Variants in AREL1 observed in about 807,000 individuals in gnomAD.
The protein encoded by AREL1 is apoptosis-resistant E3 ubiquitin protein ligase 1.
In AREL1, 62 loss-of-function variants were observed where a neutral mutation model predicts 99.0. The observed-to-expected ratio is 0.63, with a 90% CI of 0.51 to 0.77. AREL1 has a LOEUF of 0.77. AREL1 is among the 30% of genes least tolerant of loss of function. The probability of loss-of-function intolerance (pLI) is 0.00; values close to 1 mark genes in which losing one functional copy is unlikely to be tolerated. For missense variants in AREL1, 879 were observed against 1,027.6 expected, an observed-to-expected ratio of 0.86 and a Z score of 1.98; for synonymous variants, 380 against 376.5, an observed-to-expected ratio of 1.01 and a Z score of -0.11.
chr14:74,684,190 C>T (rs1483367594), intron 4 of AREL1, among the ~76,000 whole-genome samples: 2 of 152,146 alleles, frequency 1.3e-5, no homozygotes, highest in Non-Finnish European at 2.9e-5. Flanking sequence ...TTTGCTAACC[C>T]CTATCTATAA....
chr14:74,712,060 AAAAAAAAGAAAAAAAAAG>A (rs2090314080), intron 1 of AREL1: 25 of 47,452 alleles, frequency 5.3e-4, no homozygotes, highest in African/African-American at 2.0e-3. Flanking sequence ...AAAAAAAAAA[AAAAAAAAGAAAAAAAAAG>A]AAAGAAAGAA....
In AREL1 at chr14:74,672,903, A is replaced by C; in HGVS notation, c.1350T>G (p.Leu450=). ...QDKVNFFQRE[L]RQVHMKRPHS... is the part of the protein sequence containing the mutation. ...GTGGTCTTTTCATATGTACCTGCCG[A>C]AGCTCTCGCTGGAAAAAGTTCACCT... is the stretch of plus-strand genomic sequence containing the variant. The change falls in exon 11 of 20, where the codon CTT becomes CTG. Residue 450 remains leucine (L), a synonymous_variant. Coordinates refer to ENST00000356357, the MANE Select transcript of AREL1 (RefSeq NM_001039479.2). 6.2e-7 allele frequency: 1 copy of C among 1,614,172 alleles called. No homozygotes were observed. The highest frequency in any genetic ancestry group is 8.5e-7 in the Non-Finnish European group (1 of 1,180,024).
intron 5 of AREL1, among the ~76,000 whole-genome samples, chr14:74,677,490 T>A (rs950501732): frequency 4.1e-5 from 6 of 145,470 alleles, no homozygotes; most frequent in African/African-American, 1.5e-4. Flanking sequence ...AGGGAGACCC[T>A]GTCTCTCTCC....
chr14:74,692,334 C>A lies in AREL1; in HGVS notation c.-333-6G>T. The A allele has an allele frequency of 7.3e-6, 3 of 411,672 alleles. No homozygotes were observed. Among genetic ancestry groups the A allele is most frequent in the Admixed American group, 3.4e-5 (1 of 29,204 alleles). The allele number at this position is 411,672 out of a possible 1,614,324, so 25.5% of individuals were successfully genotyped here. A position where few individuals can be genotyped will look rare whatever the true frequency, so the allele number is the denominator to read the frequency against. On this transcript the variant is annotated splice_polypyrimidine_tract_variant and splice_region_variant and intron_variant, in intron 1 of 19. Transcript: ENST00000356357. ...CCAAAGGACGCCCCAGGATCCTGTC[C>A]AAAAAAGAAAACAGGGTTAGTTGGA...
At chr14:74,707,434 G>A (rs866234674) in intron 1 of AREL1, among the ~76,000 whole-genome samples, 8 of 148,306 alleles carry the variant, frequency 5.4e-5, no homozygotes, top group Admixed American at 2.0e-4. Context: ...AGGCCAAGGT[G>A]GGCGGATTAC....
At chr14:74,684,204 T>C (rs1014150149) in intron 4 of AREL1, among the ~76,000 whole-genome samples, 6 of 152,246 alleles carry the variant, frequency 3.9e-5, no homozygotes, top group African/African-American at 1.4e-4. Context: ...TCTATAATAC[T>C]TACTCTTTTC....
intron 2 of AREL1, among the ~76,000 whole-genome samples, chr14:74,687,134 AC>A (rs2089765922): frequency 6.6e-6 from 1 of 152,206 alleles, no homozygotes; most frequent in Non-Finnish European, 1.5e-5. Context: ...ATTCGATCTG[AC>A]CCTAGATGTG....
At chr14:74,682,658 G>A (rs372158022) in intron 5 of AREL1, among the ~76,000 whole-genome samples, 31 of 152,330 alleles carry the variant, frequency 2.0e-4, no homozygotes, top group African/African-American at 7.5e-4. Context: ...GGCCTGGTGG[G>A]AGGTGATGGG....
At position 74,671,501 on chromosome 14, in the gene AREL1, G is replaced by A. The variant is rs2089344874; in HGVS notation, c.1423-18C>T. 6.4e-7 allele frequency: 1 copy of A among 1,553,052 alleles called. No homozygotes were observed. On this transcript the variant is annotated intron_variant, in intron 11 of 19. Transcript: ENST00000356357. Reference sequence around the variant, plus strand: ...TTCAGAGACTGAAAAGAAGTGAAAGGAAGGGAATTGTCAGAACACTGGCTG... The same window carrying A: ...TTCAGAGACTGAAAAGAAGTGAAAGAAAGGGAATTGTCAGAACACTGGCTG...
chr14:74,702,491 T>C (rs540024821), intron 1 of AREL1, among the ~76,000 whole-genome samples: 16 of 152,210 alleles, frequency 1.1e-4, no homozygotes, highest in Non-Finnish European at 1.5e-4. Context: ...ACCAAGTCCC[T>C]ACACTGCACA....
chr14:74,703,206 C>T (rs970573047), intron 1 of AREL1, among the ~76,000 whole-genome samples: 2 of 152,204 alleles, frequency 1.3e-5, no homozygotes, highest in Non-Finnish European at 2.9e-5. Flanking sequence ...AATGGACTCA[C>T]AGTTCCACAT....
At chr14:74,694,959 A>G (rs1480682578) in intron 1 of AREL1, among the ~76,000 whole-genome samples, 1 of 144,816 alleles carries the variant, frequency 6.9e-6, no homozygotes, top group Non-Finnish European at 1.5e-5. Context: ...ACTGCACTCC[A>G]GCCTGGGCGA....
intron 1 of AREL1, among the ~76,000 whole-genome samples, chr14:74,704,858 G>T (rs560761130): frequency 6.6e-5 from 10 of 151,942 alleles, no homozygotes; most frequent in South Asian, 6.2e-4. Flanking sequence ...TTTTCTCCTG[G>T]TTTTTTTCTA....
intron 1 of AREL1, among the ~76,000 whole-genome samples, chr14:74,692,897 C>T (rs188849890): frequency 1.1e-4 from 16 of 152,110 alleles, no homozygotes; most frequent in East Asian, 1.9e-4. Context: ...TTTGTAGAGA[C>T]GGGGTTTTGC....
intron 5 of AREL1, among the ~76,000 whole-genome samples, chr14:74,682,035 T>C (rs1194564069): frequency 2.6e-5 from 4 of 152,228 alleles, no homozygotes; most frequent in South Asian, 4.1e-4. Flanking sequence ...AAGTTTAATT[T>C]TTTTAAAAAG....
intron 2 of AREL1, chr14:74,691,081 G>C (rs1192835251): frequency 6.6e-6 from 1 of 152,294 alleles, no homozygotes; most frequent in Non-Finnish European, 1.5e-5. Flanking sequence ...CACTTTGGAA[G>C]CCAAGGCAGG....
At chr14:74,676,098 C>T (rs373790817) in intron 7 of AREL1, 43 bp downstream of exon 7, 25 of 1,586,856 alleles carry the variant, frequency 1.6e-5, no homozygotes, top group African/African-American at 8.1e-5. Flanking sequence ...GGCAAAGAAA[C>T]GGCTGAAGAA....
chr14:74,684,544 C>A lies in AREL1; in HGVS notation c.153G>T (p.Arg51=), dbSNP rs1387426993. ...RGDRTIYDYV[R]GNYLDPRSCK... is the part of the protein sequence containing the mutation. ...AAGACCGGGGATCCAGGTAATTTCC[C>A]CGCACGTAGTCATAAATAGTCCGGT... Residue 51 remains arginine, a synonymous_variant, in exon 4 of 20, where the codon CGG becomes CGT. Transcript: ENST00000356357. 3.7e-6 allele frequency: 6 copies of A among 1,614,132 alleles called. No homozygotes were observed. The highest frequency in any genetic ancestry group is 4.2e-6 in the Non-Finnish European group (5 of 1,180,030).
Position 74,692,181 on chromosome 14 carries a change from C to T in AREL1, c.-186G>A, listed in dbSNP as rs1288752700. The T allele has an allele frequency of 2.2e-6, 1 of 453,598 alleles. No homozygotes were observed. The highest frequency in any genetic ancestry group is 4.4e-6 in the Non-Finnish European group (1 of 226,300). 28.1% of individuals were successfully genotyped at this position (453,598 alleles called of 1,614,324 possible). The stretch of plus-strand genomic sequence containing the variant: ...ACAAGGTCAACAGAAAGGGTCTATC[C>T]ATCAGACTTTGTCACAGTAATCAGG... On this transcript the variant is annotated 5_prime_UTR_variant, in exon 2 of 20. An upstream start codon of the reference 5' UTR is lost. Transcript: ENST00000356357.
Sources: allele counts gnomAD v4.1 joint callset (sites outside exome capture counted in the v4.1 genomes callset), GRCh38; gene constraint gnomAD v4.1.1; transcripts MANE v1.5; gene names NCBI Gene and HGNC (gene_info 2026-07-23, HGNC 2026-07-21).